The following THSD7A variants were observed in gnomAD, a reference collection of about 807,000 sequenced individuals.
THSD7A encodes thrombospondin type 1 domain containing 7A.
Under a neutral mutation model 231.3 loss-of-function variants are expected in THSD7A, and 96 were observed. That is an observed-to-expected ratio of 0.41 (90% CI 0.35 to 0.49). The LOEUF (loss-of-function observed/expected upper bound fraction) is 0.49, where lower values mean the gene tolerates loss of function less well. Ranked by LOEUF, THSD7A falls within the 20% of genes least tolerant of loss-of-function variation. The probability of loss-of-function intolerance (pLI) is 0.05; values close to 1 mark genes in which losing one functional copy is unlikely to be tolerated. For synonymous variants in THSD7A, 940 were observed against 743.3 expected, an observed-to-expected ratio of 1.26 and a Z score of -4.30; for missense variants, 2,290 against 2,070.2, an observed-to-expected ratio of 1.11 and a Z score of -2.06.
At chr7:11,682,982 C>T (rs899714650) in intron 1 of THSD7A, among the ~76,000 whole-genome samples, 2 of 151,688 alleles carry the variant, frequency 1.3e-5, no homozygotes, top group African/African-American at 4.8e-5. Context: ...TATTAGTTGG[C>T]ACGGTGGCAG....
chr7:11,686,327 C>T (rs980354203), intron 1 of THSD7A, among the ~76,000 whole-genome samples: 16 of 151,614 alleles, frequency 1.1e-4, no homozygotes, highest in Admixed American at 5.3e-4. Context: ...ACATGTACCC[C>T]GAATCTAAAA....
intron 4 of THSD7A, among the ~76,000 whole-genome samples, chr7:11,565,021 T>G (rs1790246764): frequency 6.6e-6 from 1 of 152,170 alleles, no homozygotes; most frequent in East Asian, 1.9e-4. Context: ...GTTGCAACAC[T>G]GCAAATATGG....
chr7:11,570,841 G>GA (rs1156340983), intron 4 of THSD7A, among the ~76,000 whole-genome samples: 2 of 152,184 alleles, frequency 1.3e-5, no homozygotes, highest in Middle Eastern at 3.2e-3. Context: ...CTTGATGGGG[G>GA]ACCAGTTGGC....
intron 1 of THSD7A, among the ~76,000 whole-genome samples, chr7:11,687,061 AT>A (rs764745516): frequency 2.0e-5 from 3 of 151,842 alleles, no homozygotes; most frequent in African/African-American, 7.2e-5. Context: ...TTTATTCATA[AT>A]TTTTTACATT....
chr7:11,744,011 C>A (rs1383554444), intron 1 of THSD7A, among the ~76,000 whole-genome samples: 1 of 151,924 alleles, frequency 6.6e-6, no homozygotes, highest in Non-Finnish European at 1.5e-5. Flanking sequence ...ACAGACTAGA[C>A]TGACAGTCTT....
In THSD7A at chr7:11,708,886, T is replaced by C. The variant is rs1489588771; in HGVS notation, c.191-71925A>G. Among the ~76,000 whole-genome samples, 3 of 150,898 alleles carry C rather than the reference T, an allele frequency of 2.0e-5. No individual in the cohort carries two copies. The East Asian group carries it at 5.9e-4, about 30-fold the overall frequency. On this transcript the variant is annotated intron_variant, in intron 1 of 27. Transcript: ENST00000423059. ...ATGTGACTACCAAATGTTTAGACAC[T>C]GTACATGGGCAAATAAGGCATATCA...
rs191576935 is a variant in THSD7A, at chr7:11,385,279, T to C, written c.4412-2663A>G. ...AATTTTATTTTTTCATTTTCAATTC[T>C]TAAACTTCTGATGACACTTGGCTGG... On this transcript the variant is annotated intron_variant, in intron 23 of 27. Transcript: ENST00000423059. The C allele has an allele frequency of 2.0e-5, 3 of 152,242 alleles. No homozygotes were observed. The South Asian group carries it at 6.2e-4, about 32-fold the overall frequency. 9.4% of individuals were successfully genotyped at this position (152,242 alleles called of 1,614,324 possible).
intron 6 of THSD7A, among the ~76,000 whole-genome samples, chr7:11,489,556 A>G (rs779050722): frequency 1.3e-5 from 2 of 152,200 alleles, no homozygotes; most frequent in Middle Eastern, 6.8e-3. Flanking sequence ...CTGAGCTCCC[A>G]GTCTCTGTAG....
chr7:11,802,987 T>C (rs900744024), intron 1 of THSD7A, among the ~76,000 whole-genome samples: 1 of 152,170 alleles, frequency 6.6e-6, no homozygotes, highest in Non-Finnish European at 1.5e-5. Context: ...ACATCTGTGA[T>C]CATACATATA....
intron 1 of THSD7A, among the ~76,000 whole-genome samples, chr7:11,680,434 A>C (rs1041255109): frequency 2.0e-5 from 3 of 152,142 alleles, no homozygotes; most frequent in Admixed American, 6.6e-5. Flanking sequence ...ATGGGAGAAA[A>C]TTTTTGCAAT....
At chr7:11,754,270 T>C (rs1390520072) in intron 1 of THSD7A, among the ~76,000 whole-genome samples, 1 of 151,904 alleles carries the variant, frequency 6.6e-6, no homozygotes, top group Non-Finnish European at 1.5e-5. Flanking sequence ...ATGATAAAAA[T>C]AGAGAGTAAC....
At chr7:11,642,773 A>T (rs1201695350) in intron 1 of THSD7A, among the ~76,000 whole-genome samples, 1 of 152,124 alleles carries the variant, frequency 6.6e-6, no homozygotes, top group African/African-American at 2.4e-5. Flanking sequence ...AACTTTAACA[A>T]AATGTTGATA....
intron 6 of THSD7A, among the ~76,000 whole-genome samples, chr7:11,532,806 A>G (rs1011072947): frequency 2.0e-5 from 3 of 152,222 alleles, no homozygotes; most frequent in African/African-American, 7.2e-5. Context: ...TCAATGTGCA[A>G]TTGGAATTTA....
intron 1 of THSD7A, among the ~76,000 whole-genome samples, chr7:11,787,310 T>C (rs1783822317): frequency 6.6e-6 from 1 of 152,028 alleles, no homozygotes; most frequent in Admixed American, 6.6e-5. Context: ...TATAAAACTC[T>C]AGAAAATAAC....
chr7:11,756,237 AT>A lies in THSD7A; in HGVS notation c.190+75519del, dbSNP rs569282463. On this transcript the variant is annotated intron_variant, in intron 1 of 27. Coordinates refer to ENST00000423059, the MANE Select transcript of THSD7A (RefSeq NM_015204.3). The stretch of plus-strand genomic sequence containing the variant: ...TACTCATAAATCTATTAATTTAAAC[AT>A]TTTGAGGAGAGCAACGAGGTAATAA... 3.8e-3 allele frequency among the ~76,000 whole-genome samples: 573 copies of A among 152,182 alleles called. 5 individuals carry two copies. The highest frequency in any genetic ancestry group is 0.013 in the African/African-American group (543 of 41,536).
intron 1 of THSD7A, among the ~76,000 whole-genome samples, chr7:11,723,299 G>C (rs1232315443): frequency 6.8e-6 from 1 of 146,502 alleles, no homozygotes; most frequent in Non-Finnish European, 1.5e-5. Context: ...CACAGGAAGG[G>C]GAACATCACA....
chr7:11,498,108 G>A (rs1248537705), intron 6 of THSD7A, among the ~76,000 whole-genome samples: 1 of 152,142 alleles, frequency 6.6e-6, no homozygotes, highest in East Asian at 1.9e-4. Context: ...CCATCAAAGT[G>A]GGAGCTTAGA....
chr7:11,419,820 G>C (rs562259499), intron 16 of THSD7A, among the ~76,000 whole-genome samples: 3 of 152,190 alleles, frequency 2.0e-5, no homozygotes, highest in Non-Finnish European at 4.4e-5. Flanking sequence ...TGGAGATGAT[G>C]AGCTTATTGG....
intron 1 of THSD7A, among the ~76,000 whole-genome samples, chr7:11,816,025 T>A (rs1784685293): frequency 6.6e-6 from 1 of 152,190 alleles, no homozygotes; most frequent in South Asian, 2.1e-4. Context: ...CTTTCAAACT[T>A]GTGTCTTATG....
Sources: allele counts gnomAD v4.1 joint callset (sites outside exome capture counted in the v4.1 genomes callset), GRCh38; gene constraint gnomAD v4.1.1; transcripts MANE v1.5; gene names NCBI Gene and HGNC (gene_info 2026-07-23, HGNC 2026-07-21).